TMEM132D: variants seen among roughly 807,000 people sequenced by gnomAD.
TMEM132D encodes the protein transmembrane protein 132D, also known as mature OL transmembrane protein.
Under a neutral mutation model 62.3 loss-of-function variants are expected in TMEM132D, and 21 were observed. The observed-to-expected ratio is 0.34, with a 90% CI of 0.24 to 0.49. The LOEUF (loss-of-function observed/expected upper bound fraction) is 0.49. Among genes scored for constraint, TMEM132D ranks in the 20% least tolerant of loss-of-function variants. TMEM132D has a pLI of 0.99. For synonymous variants in TMEM132D, 621 were observed against 575.6 expected (o/e 1.08, Z -1.13); for missense variants, 1,346 against 1,402.8 (o/e 0.96, Z 0.65).
chr12:129,171,389 G>A (rs1368896809), intron 5 of TMEM132D, among the ~76,000 whole-genome samples: 1 of 152,110 alleles, frequency 6.6e-6, no homozygotes, highest in Non-Finnish European at 1.5e-5. Flanking sequence ...GTCATCTAGT[G>A]GGGCTGGAAA....
chr12:129,522,765 T>TG, intron 3 of TMEM132D: 1 of 230 alleles, frequency 4.3e-3, no homozygotes, highest in South Asian at 0.062. Context: ...AAAAAAATAC[T>TG]TTAGATTTTA....
chr12:129,084,824 T>C lies in TMEM132D; in HGVS notation c.1444-122A>G, dbSNP rs1326336158. The C allele has an allele frequency of 1.2e-5, 10 of 836,862 alleles. No homozygotes were observed. In the Admixed American group the frequency reaches 2.2e-4, roughly 19 times the overall value. The allele number at this position is 836,862 out of a possible 1,614,324, so 51.8% of individuals were successfully genotyped here. A position where few individuals can be genotyped will look rare whatever the true frequency, so the allele number is the denominator to read the frequency against. The stretch of plus-strand genomic sequence containing the variant: ...AGGTGCTTCCCTTTCCTCCCCTTAC[T>C]ATGGGGGAGGAGGTCCTGGTATGGA... On this transcript the variant is annotated intron_variant, in intron 5 of 8. Transcript: ENST00000422113.
At chr12:129,318,671 G>T (rs1347373333) in intron 4 of TMEM132D, among the ~76,000 whole-genome samples, 1 of 152,156 alleles carries the variant, frequency 6.6e-6, no homozygotes, top group Non-Finnish European at 1.5e-5. Flanking sequence ...CGGGACCCTA[G>T]ATCTCCCAAG....
intron 5 of TMEM132D, among the ~76,000 whole-genome samples, chr12:129,198,865 A>G (rs923143013): frequency 1.3e-5 from 2 of 152,152 alleles, no homozygotes; most frequent in Non-Finnish European, 2.9e-5. Context: ...ACATTTTTTC[A>G]TAAATCTTAA....
chr12:129,075,410 C>T (rs1039873260), intron 8 of TMEM132D, among the ~76,000 whole-genome samples: 3 of 150,180 alleles, frequency 2.0e-5, no homozygotes, highest in African/African-American at 4.9e-5. Flanking sequence ...ATAAATTGCA[C>T]GACAAAGGAA....
chr12:129,688,499 A>C (rs1317673324), intron 2 of TMEM132D, among the ~76,000 whole-genome samples: 1 of 152,136 alleles, frequency 6.6e-6, no homozygotes, highest in Non-Finnish European at 1.5e-5. Context: ...CTCATGGTGC[A>C]AACACCTTAA....
intron 2 of TMEM132D, among the ~76,000 whole-genome samples, chr12:129,584,167 G>GA (rs914743904): frequency 2.7e-4 from 40 of 148,192 alleles, no homozygotes; most frequent in South Asian, 1.9e-3. Flanking sequence ...AGTACAAGGT[G>GA]AAAAAAAAAA....
intron 2 of TMEM132D, among the ~76,000 whole-genome samples, chr12:129,665,958 CTCT>C (rs1880366719): frequency 6.6e-6 from 1 of 151,988 alleles, no homozygotes; most frequent in African/African-American, 2.4e-5. Flanking sequence ...AATATTTTTT[CTCT>C]TCTTATGTGA....
At chr12:129,534,328 T>C (rs1876318002) in intron 2 of TMEM132D, among the ~76,000 whole-genome samples, 1 of 152,168 alleles carries the variant, frequency 6.6e-6, no homozygotes, top group Non-Finnish European at 1.5e-5. Flanking sequence ...GCACATGCAC[T>C]GTGATTGGGT....
intron 5 of TMEM132D, among the ~76,000 whole-genome samples, chr12:129,193,135 G>A (rs1359402560): frequency 3.5e-5 from 5 of 143,218 alleles, no homozygotes; most frequent in African/African-American, 1.3e-4. Flanking sequence ...TCCAGCCTGG[G>A]TGACAGAGTG....
chr12:129,177,896 C>G (rs933577146), intron 5 of TMEM132D, among the ~76,000 whole-genome samples: 5 of 152,178 alleles, frequency 3.3e-5, no homozygotes, highest in African/African-American at 1.2e-4. Flanking sequence ...TGTCCATTAG[C>G]TATTCTTCCT....
At chr12:129,710,560 C>A (rs551627461) in intron 1 of TMEM132D, among the ~76,000 whole-genome samples, 2 of 152,124 alleles carry the variant, frequency 1.3e-5, no homozygotes, top group Non-Finnish European at 2.9e-5. Context: ...GCTTCCTAAG[C>A]TGCTGGGATT....
At chr12:129,348,309 T>C (rs1869751810) in intron 3 of TMEM132D, among the ~76,000 whole-genome samples, 1 of 152,186 alleles carries the variant, frequency 6.6e-6, no homozygotes, top group African/African-American at 2.4e-5. Context: ...CCAACCCAAA[T>C]GCTCATCAAT....
chr12:129,258,607 T>C (rs1880470670), intron 4 of TMEM132D, among the ~76,000 whole-genome samples: 1 of 152,198 alleles, frequency 6.6e-6, no homozygotes, highest in African/African-American at 2.4e-5. Context: ...TTTTTACCTT[T>C]GTGCCAAAAG....
intron 3 of TMEM132D, among the ~76,000 whole-genome samples, chr12:129,508,286 A>G (rs1875399416): frequency 6.6e-6 from 1 of 152,182 alleles, no homozygotes; most frequent in Non-Finnish European, 1.5e-5. Flanking sequence ...GTAAGCATGG[A>G]AGAAATATCT....
intron 5 of TMEM132D, among the ~76,000 whole-genome samples, chr12:129,138,660 G>T (rs1439842808): frequency 6.6e-6 from 1 of 152,206 alleles, no homozygotes; most frequent in African/African-American, 2.4e-5. Context: ...GGCAAAGGTT[G>T]CAATGAGCCA....
At chr12:129,832,615 A>T (rs1487320474) in intron 1 of TMEM132D, among the ~76,000 whole-genome samples, 1 of 152,098 alleles carries the variant, frequency 6.6e-6, no homozygotes, top group Non-Finnish European at 1.5e-5. Flanking sequence ...CACTAGGTCC[A>T]TCCCAGCATG....
At chr12:129,427,839 T>A (rs1487469374) in intron 3 of TMEM132D, among the ~76,000 whole-genome samples, 1 of 152,162 alleles carries the variant, frequency 6.6e-6, no homozygotes, top group Non-Finnish European at 1.5e-5. Flanking sequence ...GATTTTACTT[T>A]AAGGGAAAAT....
chr12:129,500,892 T>C (rs2137067077), intron 3 of TMEM132D, among the ~76,000 whole-genome samples: 1 of 152,336 alleles, frequency 6.6e-6, no homozygotes, highest in East Asian at 1.9e-4. Context: ...AGTAATGAAC[T>C]TTTTATGACG....
Sources: gnomAD v4.1 joint callset for allele counts (sites outside exome capture counted in the v4.1 genomes callset) on GRCh38, gnomAD v4.1.1 for gene constraint, MANE v1.5 for transcripts, NCBI Gene and HGNC (gene_info 2026-07-23, HGNC 2026-07-21) for gene names.